The following PPM1N variants were observed in gnomAD, a reference collection of about 807,000 sequenced individuals.
The protein encoded by PPM1N is probable protein phosphatase 1N.
A neutral mutation model predicts 32.6 loss-of-function variants in PPM1N; 35 were observed. The ratio of observed to expected loss-of-function variants is 1.07; its 90% CI spans 0.82 to 1.43. The LOEUF is 1.43. Ranked by LOEUF, PPM1N falls within the 40% of genes most tolerant of loss-of-function variation. PPM1N has a pLI of 0.00. For missense variants in PPM1N, 648 were observed against 606.6 expected, an observed-to-expected ratio of 1.07 and a Z score of -0.72; for synonymous variants, 275 against 270.5, an observed-to-expected ratio of 1.02 and a Z score of -0.16.
In PPM1N at chr19:45,499,052, G is replaced by C; in HGVS notation, c.580G>C (p.Ala194Pro). ...GGTGCTGAGCCGCGCTGGCGCCGTG[G>C]CCTTCAGCACAGAGGACCACCGGCC... ...RAVLSRAGAV[A>P]FSTEDHRPLR... is the part of the protein sequence containing the mutation. Residue 194 changes from alanine (A) to proline (P), a missense_variant, in exon 1 of 5, where the codon GCC (alanine) becomes CCC (proline). By Grantham distance (27) the Ala-to-Pro change is conservative. Coordinates refer to ENST00000451287, the MANE Select transcript of PPM1N (RefSeq NM_001080401.2). 1 of 1,536,002 alleles carries C rather than the reference G, an allele frequency of 6.5e-7. No homozygotes were observed. The highest frequency in any genetic ancestry group is 8.7e-7 in the Non-Finnish European group (1 of 1,152,308).
intron 4 of PPM1N, 38 bp from the exon 5 acceptor site, chr19:45,501,979 G>T (rs1968420561): frequency 7.3e-7 from 1 of 1,376,222 alleles, no homozygotes. Flanking sequence ...AGACAAGACA[G>T]AATTTCTCAT....
At chr19:45,499,470 G>A (rs182191080) in intron 1 of PPM1N, 59 bp downstream of exon 1, 2 of 1,597,434 alleles carry the variant, frequency 1.3e-6, no homozygotes, top group Non-Finnish European at 1.7e-6. Flanking sequence ...AGAGAGCCTC[G>A]GGGTTTTGGG....
intron 4 of PPM1N, 43 bp downstream of exon 4, chr19:45,500,753 G>GTCCCCCCCC: frequency 6.8e-7 from 1 of 1,478,564 alleles, no homozygotes; most frequent in Non-Finnish European, 9.2e-7. Flanking sequence ...AGGAGGGGAC[G>GTCCCCCCCC]CCCCCCCGCC....
At chr19:45,499,617 T>A (rs765631519) in intron 1 of PPM1N, 3 of 1,547,594 alleles carry the variant, frequency 1.9e-6, no homozygotes, top group South Asian at 2.4e-5. Flanking sequence ...CACGGGAGAG[T>A]TAGTGGAAGG....
intron 2 of PPM1N, 75 bp downstream of exon 2, chr19:45,500,141 CTTTTTTTT>C (rs5828239): frequency 9.1e-7 from 1 of 1,103,584 alleles, no homozygotes; most frequent in South Asian, 1.9e-5. Context: ...TTCTTTTTTT[CTTTTTTTT>C]TTTGAGATGG....
chr19:45,500,840 CTTCT>C lies in PPM1N; in HGVS notation c.1224+139_1224+142del, dbSNP rs540354314. On this transcript the variant is annotated intron_variant, in intron 4 of 4. Transcript: ENST00000451287. ...CTGATATATTTTATTCCTCTTTTCT[CTTCT>C]TTCTTTCTCTTTTTTTCTTTTCTTC... The C allele has an allele frequency of 1.2e-4, 84 of 682,708 alleles. 1 individual carries two copies. The Admixed American group carries it at 1.5e-3, about 12-fold the overall frequency. 42.3% of individuals were successfully genotyped at this position (682,708 alleles called of 1,614,324 possible).
At position 45,499,964 on chromosome 19, in the gene PPM1N, A is replaced by G. The variant is rs1968384341; in HGVS notation, c.955A>G (p.Met319Val). 3.1e-6 allele frequency: 5 copies of G among 1,590,144 alleles called. No homozygotes were observed. The highest frequency in any genetic ancestry group is 2.3e-5 in the South Asian group (2 of 87,058). The stretch of plus-strand genomic sequence containing the variant: ...CCGGCTTCAGGGCAGCCTGGACAAC[A>G]TGACCTGCATCCTGGTCTGCTTCCC... Reference protein sequence around the residue: ...TCLCKGSLDNMTCILVCFPGA... With the variant: ...TCLCKGSLDNVTCILVCFPGA... Residue 319 changes from methionine (M) to valine (V), a missense_variant, in exon 2 of 5, where the codon ATG becomes GTG. Met to Val is a conservative substitution (Grantham distance 21, BLOSUM62 1). Coordinates refer to ENST00000451287, the MANE Select transcript of PPM1N (RefSeq NM_001080401.2).
intron 1 of PPM1N, chr19:45,499,633 A>T (rs773745373): frequency 1.3e-6 from 2 of 1,548,880 alleles, no homozygotes; most frequent in Admixed American, 3.9e-5. Flanking sequence ...GAAGGGACTT[A>T]AGAGAAAGGG....
Position 45,502,010 on chromosome 19 carries a change from G to A in PPM1N, c.1225-7G>A. The A allele has an allele frequency of 6.7e-7, 1 of 1,496,758 alleles. No homozygotes were observed. The highest frequency in any genetic ancestry group is 1.3e-5 in the South Asian group (1 of 75,336). The allele number at this position is 1,496,758 out of a possible 1,614,324, so 92.7% of individuals were successfully genotyped here. A position where few individuals can be genotyped will look rare whatever the true frequency, so the allele number is the denominator to read the frequency against. On this transcript the variant is annotated splice_region_variant and splice_polypyrimidine_tract_variant and intron_variant, in intron 4 of 4. Transcript: ENST00000451287. ...CTCATTACCTTCTCCCACATTTTGT[G>A]TTACAGAAGGGGCAGGATGGGGCTG...
rs1162871639 is a variant in PPM1N, at chr19:45,498,762, C to A, written c.290C>A (p.Ala97Asp). 6.4e-7 allele frequency: 1 copy of A among 1,559,244 alleles called. No homozygotes were observed. The highest frequency in any genetic ancestry group is 8.6e-7 in the Non-Finnish European group (1 of 1,156,920). ...TTACCTGGTCTGCCCCCGGGCTGGGCCTTGTTTGCCGTCCTCGACGGCCAC... is the reference window on the plus strand; with the variant it reads ...TTACCTGGTCTGCCCCCGGGCTGGGACTTGTTTGCCGTCCTCGACGGCCAC... The part of the protein sequence containing the change: ...LSLPGLPPGW[A>D]LFAVLDGHGG... The change falls in exon 1 of 5, where the codon GCC becomes GAC. Residue 97 changes from alanine to aspartate, a missense_variant. Transcript: ENST00000451287.
At chr19:45,500,227 C>A (rs1167065809) in intron 2 of PPM1N, among the ~76,000 whole-genome samples, 161 bp downstream of exon 2, 1 of 151,926 alleles carries the variant, frequency 6.6e-6, no homozygotes, top group Non-Finnish European at 1.5e-5. Flanking sequence ...CTCTGCCTTC[C>A]GGGTTCAAGC....
At chr19:45,501,440 T>C (rs1968412732) in intron 4 of PPM1N, among the ~76,000 whole-genome samples, 1 of 151,996 alleles carries the variant, frequency 6.6e-6, no homozygotes, top group African/African-American at 2.4e-5. Flanking sequence ...AGGTGGGAGT[T>C]TGGTGATTAT....
At position 45,499,286 on chromosome 19, in the gene PPM1N, GC is replaced by G; in HGVS notation, c.816del (p.Ser273LeufsTer47). 6.2e-7 allele frequency: 1 copy of G among 1,612,870 alleles called. No individual in the cohort carries two copies. The highest frequency in any genetic ancestry group is 8.5e-7 in the Non-Finnish European group (1 of 1,179,800). The part of the protein sequence containing the change: ...RQAEDEFMLL[A>X]SDGVWDTVSG... ...GGCTGAGGACGAGTTCATGCTCCTG[GC>G]CTCTGATGGCGTCTGGGACACTGTG... On this transcript the variant is annotated frameshift_variant, in exon 1 of 5. Coordinates refer to ENST00000451287, the MANE Select transcript of PPM1N (RefSeq NM_001080401.2). LOFTEE classifies it high-confidence loss of function.
rs1968357348 is a variant in PPM1N, at chr19:45,498,935, T to C, written c.463T>C (p.Trp155Arg). The change falls in exon 1 of 5, where the codon TGG (tryptophan) becomes CGG (arginine). Residue 155 changes from tryptophan (W) to arginine (R), a missense_variant. Trp to Arg is a moderately radical substitution (Grantham distance 101). Transcript: ENST00000451287. ...LSADERLRSL[W>R]PRVETGGCTA... ...CGCCGACGAGCGCCTGCGCTCCCTC[T>C]GGCCCCGCGTGGAAACGGGCGGCTG... 6.5e-7 allele frequency: 1 copy of C among 1,545,882 alleles called. No individual in the cohort carries two copies. Among genetic ancestry groups the C allele is most frequent in the Non-Finnish European group, 8.7e-7 (1 of 1,154,816 alleles).
Position 45,498,788 on chromosome 19 carries a change from G to A in PPM1N, c.316G>A (p.Gly106Ser), listed in dbSNP as rs1023942052. The change falls in exon 1 of 5, where the codon GGT (glycine) becomes AGT (serine). Residue 106 changes from glycine (G) to serine (S), a missense_variant. Transcript: ENST00000451287. ...WALFAVLDGH[G>S]GARAARFGAR... ...CTTGTTTGCCGTCCTCGACGGCCAC[G>A]GTGGGGCTCGAGCTGCCCGCTTCGG... The A allele has an allele frequency of 3.2e-6, 5 of 1,552,426 alleles. No homozygotes were observed. Among genetic ancestry groups the A allele is most frequent in the African/African-American group, 2.8e-5 (2 of 71,278 alleles).
Position 45,502,150 on chromosome 19 carries a change from G to A in PPM1N, c.*65G>A, listed in dbSNP as rs143780706. The A allele has an allele frequency of 1.5e-3, 1,959 of 1,296,200 alleles. 3 individuals are homozygous for A. The highest frequency in any genetic ancestry group is 2.0e-3 in the Non-Finnish European group (1,775 of 908,588). The allele number at this position is 1,296,200 out of a possible 1,614,324, so 80.3% of individuals were successfully genotyped here. Reference sequence around the variant, plus strand: ...CTCAACAGAACTAAAGAAGAAAACCGACCCTTTCCCCAACTACATGTACCA... The same window carrying A: ...CTCAACAGAACTAAAGAAGAAAACCAACCCTTTCCCCAACTACATGTACCA... On this transcript the variant is annotated 3_prime_UTR_variant, in exon 5 of 5. Coordinates refer to ENST00000451287, the MANE Select transcript of PPM1N (RefSeq NM_001080401.2).
chr19:45,499,609 C>T (rs1017656468), intron 1 of PPM1N, 198 bp downstream of exon 1: 2 of 1,548,976 alleles, frequency 1.3e-6, no homozygotes, highest in African/African-American at 2.7e-5. Flanking sequence ...CTTTGAGGCA[C>T]GGGAGAGTTA....
chr19:45,500,810 T>C, intron 4 of PPM1N, 100 bp downstream of exon 4: 1 of 832,522 alleles, frequency 1.2e-6, no homozygotes, highest in East Asian at 2.8e-5. Flanking sequence ...GGATAAGGGA[T>C]TTGCCTGATA....
Position 45,502,225 on chromosome 19 carries a change from T to C in PPM1N, c.*140T>C. ...GGAACCCAAAATGCTTATTTCTTCTTCTCTTACTTCCCTCTCACAGAAAAG... is the reference window on the plus strand; with the variant it reads ...GGAACCCAAAATGCTTATTTCTTCTCCTCTTACTTCCCTCTCACAGAAAAG... On this transcript the variant is annotated 3_prime_UTR_variant, in exon 5 of 5. Coordinates refer to ENST00000451287, the MANE Select transcript of PPM1N (RefSeq NM_001080401.2). The C allele has an allele frequency of 1.5e-6, 1 of 655,692 alleles. No homozygotes were observed. The allele number at this position is 655,692 out of a possible 1,614,324, so 40.6% of individuals were successfully genotyped here.
Sources: gnomAD v4.1 joint callset for allele counts (sites outside exome capture counted in the v4.1 genomes callset) on GRCh38, gnomAD v4.1.1 for gene constraint, MANE v1.5 for transcripts, NCBI Gene and HGNC (gene_info 2026-07-23, HGNC 2026-07-21) for gene names.